Variants in PCMTD1 observed in about 807,000 individuals in gnomAD.
The protein encoded by PCMTD1 is protein-L-isoaspartate O-methyltransferase domain-containing protein 1.
Under a neutral mutation model 37.6 loss-of-function variants are expected in PCMTD1, and 12 were observed. The observed-to-expected ratio is 0.32, with a 90% CI of 0.20 to 0.52. PCMTD1 has a LOEUF of 0.52. Ranked by LOEUF, PCMTD1 falls within the 20% of genes least tolerant of loss-of-function variation. The pLI is 0.97. For missense variants in PCMTD1, 235 were observed against 421.3 expected (o/e 0.56, Z 3.87); for synonymous variants, 117 against 135.8 (o/e 0.86, Z 0.96).
chr8:51,898,165 C>CTGATTTG (rs3075021), intron 1 of PCMTD1, among the ~76,000 whole-genome samples: 76,928 of 151,836 alleles, frequency 0.51, 23,597 homozygotes, highest in Non-Finnish European at 0.68. Flanking sequence ...GCAAATTCTT[C>CTGATTTG]TGATTTGTAA....
At chr8:51,830,135 G>T (rs2037978769) in intron 5 of PCMTD1, among the ~76,000 whole-genome samples, 1 of 151,992 alleles carries the variant, frequency 6.6e-6, no homozygotes, top group Non-Finnish European at 1.5e-5. Flanking sequence ...CACCACCTTT[G>T]TTGGCCCCTC....
At chr8:51,876,557 A>C (rs769014392) in intron 1 of PCMTD1, among the ~76,000 whole-genome samples, 1 of 152,212 alleles carries the variant, frequency 6.6e-6, no homozygotes, top group South Asian at 2.1e-4. Flanking sequence ...GCCAAAGAAA[A>C]GAAACTAGGG....
intron 1 of PCMTD1, among the ~76,000 whole-genome samples, chr8:51,892,171 T>C (rs568269399): frequency 6.6e-6 from 1 of 152,356 alleles, no homozygotes; most frequent in Admixed American, 6.5e-5. Flanking sequence ...TACAATATTG[T>C]AAGCCACAAC....
In PCMTD1 at chr8:51,882,388, T is replaced by C. The variant is rs551015102; in HGVS notation, c.-96+16542A>G. On this transcript the variant is annotated intron_variant, in intron 1 of 5. Coordinates refer to ENST00000522514, the MANE Select transcript of PCMTD1 (RefSeq NM_052937.4). ...GCACTGGGCATGGGGTAGGGGGCGG[T>C]CAGGGTTTCAACACGTGACTTTTAG... is the stretch of plus-strand genomic sequence containing the variant. Among the ~76,000 whole-genome samples, 4 of 152,244 alleles carry C rather than the reference T, an allele frequency of 2.6e-5. No individual in the cohort carries two copies. The South Asian group carries it at 8.3e-4, about 32-fold the overall frequency.
chr8:51,887,909 A>AT (rs1020983656), intron 1 of PCMTD1, among the ~76,000 whole-genome samples: 1 of 151,698 alleles, frequency 6.6e-6, no homozygotes, highest in Non-Finnish European at 1.5e-5. Flanking sequence ...CACTCAGCTA[A>AT]TTTTTTTGTA....
chr8:51,870,889 G>A (rs2038629097), intron 1 of PCMTD1, among the ~76,000 whole-genome samples: 1 of 152,152 alleles, frequency 6.6e-6, no homozygotes, highest in African/African-American at 2.4e-5. Flanking sequence ...GCGGGCCGGG[G>A]TGAGCATCTG....
chr8:51,837,057 TGGGCCAGGG>T lies in PCMTD1; in HGVS notation c.411-3377_411-3369del, dbSNP rs542742095. On this transcript the variant is annotated intron_variant, in intron 3 of 5. Coordinates refer to ENST00000522514, the MANE Select transcript of PCMTD1 (RefSeq NM_052937.4). ...CTATAACTAAATGACAGGTTTTTCT[TGGGCCAGGG>T]GGGCCTTTCTGAAGATCTCAAATCA... is the stretch of plus-strand genomic sequence containing the variant. Among the ~76,000 whole-genome samples the T allele has an allele frequency of 3.0e-4, 45 of 152,350 alleles. 1 individual carries two copies. In the South Asian group the frequency reaches 9.3e-3, roughly 32 times the overall value.
intron 3 of PCMTD1, among the ~76,000 whole-genome samples, chr8:51,840,236 AG>A (rs2038127086): frequency 6.6e-6 from 1 of 152,214 alleles, no homozygotes; most frequent in African/African-American, 2.4e-5. Flanking sequence ...GAAATGTGAC[AG>A]GTAAGTCATA....
chr8:51,838,488 T>A (rs1279397195), intron 3 of PCMTD1, among the ~76,000 whole-genome samples: 1 of 151,544 alleles, frequency 6.6e-6, no homozygotes, highest in Non-Finnish European at 1.5e-5. Flanking sequence ...AGACCCTGTC[T>A]CAAAGAAAAA....
intron 1 of PCMTD1, among the ~76,000 whole-genome samples, chr8:51,897,509 A>T (rs188740665): frequency 6.6e-6 from 1 of 152,238 alleles, no homozygotes; most frequent in African/African-American, 2.4e-5. Flanking sequence ...AAATTTACTT[A>T]GAAAAAAATG....
rs2037823978 is a variant in PCMTD1 at position 51,820,298 on chromosome 8, A to G, written c.*53T>C. ...TCTCTTTTAACTCCTAACAAATGCT[A>G]CATTTTCAAGACTAAAGGAATTATC... On this transcript the variant is annotated 3_prime_UTR_variant, in exon 6 of 6. Transcript: ENST00000522514. The G allele has an allele frequency of 2.1e-6, 3 of 1,444,652 alleles. No individual in the cohort carries two copies. Among genetic ancestry groups the G allele is most frequent in the South Asian group, 1.5e-5 (1 of 66,708 alleles). The allele number at this position is 1,444,652 out of a possible 1,614,324, so 89.5% of individuals were successfully genotyped here. A position where few individuals can be genotyped will look rare whatever the true frequency, so the allele number is the denominator to read the frequency against.
chr8:51,882,756 AT>A (rs912966671), intron 1 of PCMTD1, among the ~76,000 whole-genome samples: 2 of 148,604 alleles, frequency 1.3e-5, no homozygotes, highest in Non-Finnish European at 3.0e-5. Context: ...GGGGTATTAT[AT>A]TTCATTGGAG....
chr8:51,880,048 A>T (rs1028399936), intron 1 of PCMTD1, among the ~76,000 whole-genome samples: 2 of 151,980 alleles, frequency 1.3e-5, no homozygotes, highest in African/African-American at 4.8e-5. Context: ...AAAAAAAAAA[A>T]TAGCCAGGCA....
intron 1 of PCMTD1, among the ~76,000 whole-genome samples, chr8:51,878,249 G>GT (rs1563359262): frequency 2.2e-5 from 3 of 137,186 alleles, no homozygotes; most frequent in Non-Finnish European, 3.2e-5. Context: ...TTTTTTTTTT[G>GT]GTTTTTTTTT....
At chr8:51,898,102 A>G (rs1397864552) in intron 1 of PCMTD1, among the ~76,000 whole-genome samples, 1 of 152,148 alleles carries the variant, frequency 6.6e-6, no homozygotes, top group East Asian at 1.9e-4. Flanking sequence ...TTTTGTAATT[A>G]AAAAAATAAA....
chr8:51,827,853 A>G (rs2037943208), intron 5 of PCMTD1, among the ~76,000 whole-genome samples: 1 of 152,122 alleles, frequency 6.6e-6, no homozygotes, highest in South Asian at 2.1e-4. Flanking sequence ...ATTCTATTGA[A>G]TTTATTCCTA....
chr8:51,850,137 A>G (rs2038283688), intron 2 of PCMTD1: 1 of 700,576 alleles, frequency 1.4e-6, no homozygotes, highest in African/African-American at 1.7e-5. Flanking sequence ...CTTGGCTTCC[A>G]ATCCCAATTC....
At chr8:51,839,264 T>C (rs758034018) in intron 3 of PCMTD1, among the ~76,000 whole-genome samples, 10 of 152,170 alleles carry the variant, frequency 6.6e-5, no homozygotes, top group Non-Finnish European at 1.2e-4. Flanking sequence ...CATTTATTGA[T>C]TTAAACCTGA....
At chr8:51,880,842 A>G (rs1193754668) in intron 1 of PCMTD1, among the ~76,000 whole-genome samples, 1 of 152,256 alleles carries the variant, frequency 6.6e-6, no homozygotes, top group South Asian at 2.1e-4. Context: ...TTGTAAGGCA[A>G]AAGTAGCTAT....
Sources: gnomAD v4.1 joint callset for allele counts (sites outside exome capture counted in the v4.1 genomes callset) on GRCh38, gnomAD v4.1.1 for gene constraint, MANE v1.5 for transcripts, NCBI Gene and HGNC (gene_info 2026-07-23, HGNC 2026-07-21) for gene names.